EPN2: variants seen among roughly 807,000 people sequenced by gnomAD.
EPN2 encodes epsin 2, also known as epsin-2.
A neutral mutation model predicts 61.7 loss-of-function variants in EPN2; 34 were observed. The ratio of observed to expected loss-of-function variants is 0.55; its 90% CI spans 0.42 to 0.73. The LOEUF is 0.73. Ranked by LOEUF, EPN2 falls within the 30% of genes least tolerant of loss-of-function variation. The pLI, the probability that EPN2 is intolerant of heterozygous loss-of-function variation, is 0.00. For synonymous variants in EPN2, 349 were observed against 353.6 expected (o/e 0.99, Z 0.15); for missense variants, 714 against 839.2 (o/e 0.85, Z 1.84).
rs1907317493 is a variant in EPN2 at position 19,334,658 on chromosome 17, G to C, written c.*404G>C. The C allele has an allele frequency of 6.0e-6, 1 of 165,404 alleles. No individual in the cohort carries two copies. The highest frequency in any genetic ancestry group is 2.4e-5 in the African/African-American group (1 of 42,034). The allele number at this position is 165,404 out of a possible 1,614,324, so 10.2% of individuals were successfully genotyped here. A position where few individuals can be genotyped will look rare whatever the true frequency, so the allele number is the denominator to read the frequency against. On this transcript the variant is annotated 3_prime_UTR_variant, in exon 11 of 11. Transcript: ENST00000314728. The surrounding 1 kb of genome is among the most constrained non-coding windows in gnomAD (Gnocchi z 4.9). ...CTAGGGACACCCCAGGCAGTCCTGG[G>C]TGTGGACACGATGAAGCACCGGCTC...
intron 7 of EPN2, among the ~76,000 whole-genome samples, chr17:19,324,779 A>G (rs1360750143): frequency 6.6e-6 from 1 of 152,252 alleles, no homozygotes; most frequent in African/African-American, 2.4e-5. Context: ...AATTATAAGG[A>G]TAAAGATAGA....
intron 7 of EPN2, among the ~76,000 whole-genome samples, chr17:19,325,026 A>T (rs149640614): frequency 8.5e-4 from 130 of 152,332 alleles, no homozygotes; most frequent in African/African-American, 3.0e-3. Context: ...GGATAAAATT[A>T]AAAAGGAAAC....
chr17:19,312,894 G>A (rs975986590), intron 6 of EPN2: 11 of 554,002 alleles, frequency 2.0e-5, no homozygotes, highest in Admixed American at 1.1e-4. Context: ...TGGTGAGGGG[G>A]TTTAGCAAAC....
At chr17:19,318,766 G>A (rs1906507714) in intron 7 of EPN2, among the ~76,000 whole-genome samples, 1 of 151,926 alleles carries the variant, frequency 6.6e-6, no homozygotes, top group South Asian at 2.1e-4. Flanking sequence ...CCACTGGAGT[G>A]TGGGGTTCTC....
chr17:19,305,069 A>G (rs1598010660), intron 4 of EPN2, among the ~76,000 whole-genome samples: 1 of 151,422 alleles, frequency 6.6e-6, no homozygotes, highest in South Asian at 2.1e-4. Context: ...GAGCCATTTG[A>G]TGGTAGAATC....
intron 1 of EPN2, among the ~76,000 whole-genome samples, chr17:19,263,789 C>T (rs2045168122): frequency 6.6e-6 from 1 of 152,212 alleles, no homozygotes; most frequent in African/African-American, 2.4e-5. Flanking sequence ...GTCACCAGAC[C>T]TGGCCTTCCT....
intron 1 of EPN2, chr17:19,274,168 G>T (rs1286833470): frequency 6.6e-6 from 1 of 152,586 alleles, no homozygotes; most frequent in Non-Finnish European, 1.5e-5. Flanking sequence ...CCATGACACT[G>T]ACTCCAGCAT....
rs866922099 is a variant in EPN2, at chr17:19,313,554, C to T, written c.1147+275C>T. The stretch of plus-strand genomic sequence containing the variant: ...CATTTGCATCAGAAATGGCTTGTGC[C>T]TTCTCTGGGACATGTTTCAACTCTT... On this transcript the variant is annotated intron_variant, in intron 7 of 10. Coordinates refer to ENST00000314728, the MANE Select transcript of EPN2 (RefSeq NM_014964.5). 4.9e-5 allele frequency: 19 copies of T among 383,872 alleles called. No individual in the cohort carries two copies. The Middle Eastern group carries it at 2.2e-3, about 45-fold the overall frequency. The allele number at this position is 383,872 out of a possible 1,614,324, so 23.8% of individuals were successfully genotyped here. A position where few individuals can be genotyped will look rare whatever the true frequency, so the allele number is the denominator to read the frequency against.
intron 4 of EPN2, among the ~76,000 whole-genome samples, chr17:19,304,914 A>G (rs1038760865): frequency 1.3e-5 from 2 of 151,842 alleles, no homozygotes; most frequent in Non-Finnish European, 2.9e-5. Context: ...GCAACCTTTC[A>G]TTTTTTCTGA....
intron 1 of EPN2, among the ~76,000 whole-genome samples, chr17:19,241,082 A>G (rs1355629479): frequency 6.6e-6 from 1 of 152,166 alleles, no homozygotes. Context: ...TGATTTGAAC[A>G]GATCTGTTGG....
chr17:19,329,113 G>A (rs1907041763), intron 8 of EPN2: 1 of 508,940 alleles, frequency 2.0e-6, no homozygotes, highest in Admixed American at 3.6e-5. Context: ...AAATTGAGGG[G>A]GCTTCCACCT....
chr17:19,330,784 C>T (rs1489218848), intron 9 of EPN2: 1 of 152,550 alleles, frequency 6.6e-6, no homozygotes, highest in Non-Finnish European at 1.5e-5. Flanking sequence ...TTGCTTAAGC[C>T]CAGGAGTTTC....
At chr17:19,324,022 T>C (rs8066538) in intron 7 of EPN2, among the ~76,000 whole-genome samples, 2,518 of 152,298 alleles carry the variant, frequency 0.017, 51 homozygotes, top group South Asian at 0.066. Context: ...AATAAGGATA[T>C]AAGAAAATTT....
intron 7 of EPN2, among the ~76,000 whole-genome samples, chr17:19,316,226 G>C (rs1199916650): frequency 6.6e-6 from 1 of 152,238 alleles, no homozygotes; most frequent in Non-Finnish European, 1.5e-5. Context: ...TTGAAATCTA[G>C]TGTTTAAATG....
At chr17:19,310,636 GGT>G (rs1234979736) in intron 5 of EPN2, among the ~76,000 whole-genome samples, 7 of 122,446 alleles carry the variant, frequency 5.7e-5, no homozygotes, top group Admixed American at 1.0e-4. Flanking sequence ...GGAGTGCAGT[GGT>G]GCAATCTTGG....
chr17:19,250,006 C>T (rs2044996346), intron 1 of EPN2, among the ~76,000 whole-genome samples: 1 of 152,138 alleles, frequency 6.6e-6, no homozygotes, highest in Admixed American at 6.5e-5. Context: ...TTCTGCCTCC[C>T]ACTTCCACTT....
chr17:19,277,868 C>T (rs763278333), intron 1 of EPN2, among the ~76,000 whole-genome samples: 5 of 152,052 alleles, frequency 3.3e-5, no homozygotes, highest in Non-Finnish European at 4.4e-5. Context: ...GTCAGGAGAT[C>T]GAGACCATCC....
intron 1 of EPN2, among the ~76,000 whole-genome samples, chr17:19,269,259 C>G (rs1019837718): frequency 6.6e-6 from 1 of 152,170 alleles, no homozygotes; most frequent in Non-Finnish European, 1.5e-5. Context: ...TATATCCAGT[C>G]AGTGTTGCAC....
intron 4 of EPN2, among the ~76,000 whole-genome samples, chr17:19,309,669 G>C (rs1906020974): frequency 6.6e-6 from 1 of 152,178 alleles, no homozygotes; most frequent in African/African-American, 2.4e-5. Flanking sequence ...TTGGTACCAG[G>C]GGACTTCTGT....
Sources: gnomAD v4.1 joint callset for allele counts (sites outside exome capture counted in the v4.1 genomes callset) on GRCh38, gnomAD v4.1.1 for gene constraint, Gnocchi (gnomAD v3.1) non-coding constraint, MANE v1.5 for transcripts, NCBI Gene and HGNC (gene_info 2026-07-23, HGNC 2026-07-21) for gene names.